LGSN: variants seen among roughly 807,000 people sequenced by gnomAD.
The protein encoded by LGSN is lengsin, lens protein with glutamine synthetase domain, also known as lengsin.
Under a neutral mutation model 19.5 loss-of-function variants are expected in LGSN, and 21 were observed. The ratio of observed to expected loss-of-function variants is 1.07; its 90% CI spans 0.76 to 1.55. The LOEUF (loss-of-function observed/expected upper bound fraction) is 1.55, where lower values mean the gene tolerates loss of function less well. Among genes scored for constraint, LGSN ranks in the 40% most tolerant of loss-of-function variants. The pLI is 0.00. For missense variants in LGSN, 673 were observed against 608.5 expected (o/e 1.11, Z -1.12); for synonymous variants, 257 against 215.6 (o/e 1.19, Z -1.68).
the LGSN span, among the ~76,000 whole-genome samples, chr6:63,444,089 G>A: frequency 1.3e-5 from 2 of 152,246 alleles, no homozygotes; most frequent in Admixed American, 1.3e-4. Context: ...TCATCTAGAA[G>A]TAATGGCTTG....
the LGSN span, among the ~76,000 whole-genome samples, chr6:63,500,427 AT>A: frequency 2.3e-4 from 34 of 148,784 alleles, no homozygotes; most frequent in East Asian, 5.9e-4. Context: ...TTTTTAATTA[AT>A]TTTTTTTTTT....
the LGSN span, among the ~76,000 whole-genome samples, chr6:63,565,304 A>G: frequency 6.6e-6 from 1 of 152,166 alleles, no homozygotes; most frequent in South Asian, 2.1e-4. Context: ...TACTAATGTG[A>G]ATACACATTC....
chr6:63,454,680 C>A, the LGSN span, among the ~76,000 whole-genome samples: 1 of 151,670 alleles, frequency 6.6e-6, no homozygotes, highest in East Asian at 1.9e-4. Context: ...CCATTTTGGC[C>A]AAGCTGTTCT....
intron 2 of LGSN, among the ~76,000 whole-genome samples, chr6:63,288,294 CATAG>C: frequency 6.6e-6 from 1 of 150,594 alleles, no homozygotes; most frequent in Non-Finnish European, 1.5e-5. Context: ...ATTCACTCAT[CATAG>C]ATATTTTTCA....
the LGSN span, among the ~76,000 whole-genome samples, chr6:63,547,820 A>T: frequency 6.6e-6 from 1 of 151,266 alleles, no homozygotes; most frequent in Non-Finnish European, 1.5e-5. Flanking sequence ...CCAGGGGGGG[A>T]TTTGTTAATG....
chr6:63,572,521 CG>C, the LGSN span: 1 of 390,702 alleles, frequency 2.6e-6, no homozygotes, highest in African/African-American at 2.1e-5. Flanking sequence ...CGGGCCGGCT[CG>C]GCTACGCGCT....
the LGSN span, among the ~76,000 whole-genome samples, chr6:63,361,643 G>A: frequency 3.8e-3 from 576 of 151,696 alleles, 4 homozygotes; most frequent in African/African-American, 0.013. Context: ...GCTCAGGCTC[G>A]GTGCACTGCA....
chr6:63,416,780 CT>C, the LGSN span, among the ~76,000 whole-genome samples: 1 of 151,984 alleles, frequency 6.6e-6, no homozygotes, highest in South Asian at 2.1e-4. Context: ...GTTGGCCAAG[CT>C]GGTCTTGAAT....
chr6:63,485,277 A>G, the LGSN span, among the ~76,000 whole-genome samples: 1 of 152,148 alleles, frequency 6.6e-6, no homozygotes, highest in Non-Finnish European at 1.5e-5. Context: ...ACAAGTGAGA[A>G]CATGTGGCAT....
chr6:63,442,430 C>T, the LGSN span, among the ~76,000 whole-genome samples: 1 of 148,038 alleles, frequency 6.8e-6, no homozygotes, highest in Non-Finnish European at 1.5e-5. Context: ...TTACAGAGAG[C>T]TGATTGGTCC....
the LGSN span, among the ~76,000 whole-genome samples, chr6:63,505,564 AAAAAG>A: frequency 4.2e-5 from 4 of 95,262 alleles, no homozygotes; most frequent in Admixed American, 1.3e-4. Flanking sequence ...AAAAAAAAAA[AAAAAG>A]AAAGAAAGAA....
chr6:63,361,460 G>A, the LGSN span, among the ~76,000 whole-genome samples: 216 of 152,276 alleles, frequency 1.4e-3, no homozygotes, highest in Non-Finnish European at 6.8e-4. Flanking sequence ...CGAGTCATGC[G>A]CAGGATATAA....
At chr6:63,474,985 T>C in the LGSN span, among the ~76,000 whole-genome samples, 1 of 151,608 alleles carries the variant, frequency 6.6e-6, no homozygotes, top group Non-Finnish European at 1.5e-5. Flanking sequence ...TTTGTGGAAA[T>C]AATAATTATT....
the LGSN span, among the ~76,000 whole-genome samples, chr6:63,330,716 A>G: frequency 2.9e-3 from 449 of 152,274 alleles, 3 homozygotes; most frequent in African/African-American, 0.01. Context: ...GGTCCCAGTG[A>G]GGATCCATAC....
chr6:63,336,575 A>ATATATATATGTGTGTGTGTG, the LGSN span, among the ~76,000 whole-genome samples: 7 of 148,692 alleles, frequency 4.7e-5, no homozygotes, highest in African/African-American at 1.8e-4. Context: ...ATATATATAT[A>ATATATATATGTGTGTGTGTG]TGTATAAAAT....
At chr6:63,541,045 G>T in the LGSN span, among the ~76,000 whole-genome samples, 1 of 147,688 alleles carries the variant, frequency 6.8e-6, no homozygotes, top group Admixed American at 6.9e-5. Flanking sequence ...AAGGAAGGAA[G>T]GAAGGAAGGA....
At chr6:63,287,742 A>G (rs1767600711) in intron 2 of LGSN, among the ~76,000 whole-genome samples, 1 of 152,076 alleles carries the variant, frequency 6.6e-6, no homozygotes. Context: ...TTTTTAGATA[A>G]TGAGTATTCT....
chr6:63,526,835 ATTTATT>A, the LGSN span, among the ~76,000 whole-genome samples: 1 of 129,030 alleles, frequency 7.8e-6, no homozygotes, highest in African/African-American at 3.0e-5. Context: ...ATATATATAT[ATTTATT>A]TATTTATTCT....
At chr6:63,434,400 A>C in the LGSN span, among the ~76,000 whole-genome samples, 1 of 147,004 alleles carries the variant, frequency 6.8e-6, no homozygotes, top group Non-Finnish European at 1.5e-5. Context: ...AGATCGCACC[A>C]CTGCACTCTA....
Sources: allele counts gnomAD v4.1 joint callset (sites outside exome capture counted in the v4.1 genomes callset), GRCh38; gene constraint gnomAD v4.1.1; transcripts MANE v1.5; gene names NCBI Gene and HGNC (gene_info 2026-07-23, HGNC 2026-07-21).